Variants in PTH2R observed in about 807,000 individuals in gnomAD.
PTH2R encodes the protein parathyroid hormone 2 receptor.
A neutral mutation model predicts 60.3 loss-of-function variants in PTH2R; 59 were observed. That is an observed-to-expected ratio of 0.98 (90% CI 0.79 to 1.22). The LOEUF (loss-of-function observed/expected upper bound fraction) is 1.22, where lower values mean the gene tolerates loss of function less well. Ranked by LOEUF, PTH2R falls within the 50% of genes most tolerant of loss-of-function variation. The probability of loss-of-function intolerance (pLI) is 0.00; values close to 1 mark genes in which losing one functional copy is unlikely to be tolerated. For missense variants in PTH2R, 749 were observed against 682.6 expected (o/e 1.10, Z -1.08); for synonymous variants, 256 against 243.8 (o/e 1.05, Z -0.47).
Position 208,424,251 on chromosome 2 carries a change from C to CTTTAGTT in PTH2R, c.76-3946_76-3945insGTTTTTA, listed in dbSNP as rs769836929. ...GCCAGTGAGAGGGAATGTTTTAGTT[C>CTTTAGTT]TTTACTTTGCTCTTAAACCATTCTG... On this transcript the variant is annotated intron_variant, in intron 1 of 12. Coordinates refer to ENST00000272847, the MANE Select transcript of PTH2R (RefSeq NM_005048.4). Among the ~76,000 whole-genome samples the CTTTAGTT allele has an allele frequency of 3.0e-3, 463 of 152,288 alleles. 1 individual carries two copies. The highest frequency in any genetic ancestry group is 5.7e-3 in the Non-Finnish European group (387 of 68,022).
At chr2:208,413,220 T>C (rs555712799) in intron 1 of PTH2R, among the ~76,000 whole-genome samples, 9 of 152,218 alleles carry the variant, frequency 5.9e-5, no homozygotes, top group African/African-American at 2.2e-4. Context: ...CTCATTAAAT[T>C]ATATTACAAA....
At chr2:208,389,391 A>T (rs905710409) in intron 1 of PTH2R, among the ~76,000 whole-genome samples, 1 of 152,302 alleles carries the variant, frequency 6.6e-6, no homozygotes, top group Non-Finnish European at 1.5e-5. Flanking sequence ...GTTATGCTTA[A>T]TTAACTCGAT....
At chr2:208,400,900 A>C (rs1701296259) in intron 1 of PTH2R, among the ~76,000 whole-genome samples, 1 of 152,202 alleles carries the variant, frequency 6.6e-6, no homozygotes, top group African/African-American at 2.4e-5. Flanking sequence ...ACAAACATAA[A>C]AGCTCTGTTT....
At chr2:208,395,053 T>A (rs1701180838) in intron 1 of PTH2R, among the ~76,000 whole-genome samples, 1 of 151,710 alleles carries the variant, frequency 6.6e-6, no homozygotes, top group Non-Finnish European at 1.5e-5. Context: ...TTTTCTTTTT[T>A]ATTTTTTTTT....
intron 10 of PTH2R, among the ~76,000 whole-genome samples, chr2:208,484,866 C>T (rs1286642674): frequency 6.6e-6 from 1 of 152,134 alleles, no homozygotes; most frequent in Non-Finnish European, 1.5e-5. Context: ...ATAGCTCTCT[C>T]CCATGGTTGT....
chr2:208,397,764 G>A lies in PTH2R; in HGVS notation c.-258-30437G>A, dbSNP rs113138451. Among the ~76,000 whole-genome samples, 1,307 of 152,170 alleles carry A rather than the reference G, an allele frequency of 8.6e-3. 24 individuals carry two copies. The highest frequency in any genetic ancestry group is 0.03 in the African/African-American group (1,227 of 41,478). On this transcript the variant is annotated intron_variant, in intron 1 of 12. Transcript: ENST00000617735. Reference sequence around the variant, plus strand: ...TAGCCTTTTAATATGCAAATGAAGGGCACCATGATGTTCTACACATGTGGG... The same window carrying A: ...TAGCCTTTTAATATGCAAATGAAGGACACCATGATGTTCTACACATGTGGG...
At chr2:208,469,062 A>C (rs879363244) in intron 9 of PTH2R, among the ~76,000 whole-genome samples, 12 of 152,334 alleles carry the variant, frequency 7.9e-5, no homozygotes, top group Non-Finnish European at 1.3e-4. Flanking sequence ...CAGCTCACGC[A>C]GATATAGGTC....
intron 8 of PTH2R, among the ~76,000 whole-genome samples, chr2:208,452,715 A>G (rs941910131): frequency 1.1e-4 from 16 of 152,204 alleles, no homozygotes; most frequent in Non-Finnish European, 1.9e-4. Flanking sequence ...GGAAAGTAAT[A>G]ATGAAAACAT....
In PTH2R at chr2:208,442,375, T is replaced by C. The variant is rs761175954; in HGVS notation, c.423T>C (p.Phe141=). The change falls in exon 5 of 13, where the codon TTT becomes TTC. Residue 141 remains phenylalanine, a synonymous_variant. Coordinates refer to ENST00000272847, the MANE Select transcript of PTH2R (RefSeq NM_005048.4). ...CTCTTCCCTTGCAGCAAGAATTCTTTGAACGCCTCTATGTAATGTATACCG... is the reference window on the plus strand; with the variant it reads ...CTCTTCCCTTGCAGCAAGAATTCTTCGAACGCCTCTATGTAATGTATACCG... ...PDISIGKQEF[F]ERLYVMYTVG... is the part of the protein sequence containing the mutation. 1.3e-5 allele frequency: 21 copies of C among 1,611,234 alleles called. No individual in the cohort carries two copies. The highest frequency in any genetic ancestry group is 1.7e-5 in the Non-Finnish European group (20 of 1,177,442).
At position 208,360,735 on chromosome 2, in the gene PTH2R, G is replaced by C. The variant is rs1346100336; in HGVS notation, c.-259+498G>C. The C allele has an allele frequency of 2.6e-5, 4 of 153,446 alleles. No homozygotes were observed. In the East Asian group the frequency reaches 7.7e-4, roughly 30 times the overall value. The allele number at this position is 153,446 out of a possible 1,614,324, so 9.5% of individuals were successfully genotyped here. On this transcript the variant is annotated intron_variant, in intron 1 of 12. Coordinates refer to the PTH2R transcript ENST00000617735. ...CCCTCCTCTTGTTGGCATCAGCCAGGCACGCAGTGCTGTCGTGGCTGACCC... is the reference window on the plus strand; with the variant it reads ...CCCTCCTCTTGTTGGCATCAGCCAGCCACGCAGTGCTGTCGTGGCTGACCC...
intron 10 of PTH2R, among the ~76,000 whole-genome samples, chr2:208,485,149 T>C (rs992260019): frequency 6.6e-6 from 1 of 152,122 alleles, no homozygotes; most frequent in African/African-American, 2.4e-5. Flanking sequence ...TTAAGAGCAA[T>C]AGTAATTTTT....
At chr2:208,426,119 T>C (rs1701852906) in intron 1 of PTH2R, among the ~76,000 whole-genome samples, 1 of 152,228 alleles carries the variant, frequency 6.6e-6, no homozygotes, top group Non-Finnish European at 1.5e-5. Context: ...GGGTTAATTA[T>C]GAAGATTTTC....
rs547305111 is a variant in PTH2R at position 208,471,075 on chromosome 2, C to T, written c.982-9995C>T. ...TTTAGGTATCTGGCAGAAGAAATTTCTAAGCAGCAAAGCATTCAAGAGGTG... is the reference window on the plus strand; with the variant it reads ...TTTAGGTATCTGGCAGAAGAAATTTTTAAGCAGCAAAGCATTCAAGAGGTG... On this transcript the variant is annotated intron_variant, in intron 9 of 12. Transcript: ENST00000272847. 3.3e-5 allele frequency among the ~76,000 whole-genome samples: 5 copies of T among 152,256 alleles called. 1 individual carries two copies. Among genetic ancestry groups the T allele is most frequent in the African/African-American group, 1.2e-4 (5 of 41,546 alleles).
intron 4 of PTH2R, among the ~76,000 whole-genome samples, chr2:208,441,991 G>T (rs962581320): frequency 9.2e-5 from 14 of 152,128 alleles, no homozygotes; most frequent in African/African-American, 3.4e-4. Context: ...CGATATCGAT[G>T]AATATAAAAA....
chr2:208,470,284 T>A (rs576751409), intron 9 of PTH2R, among the ~76,000 whole-genome samples: 2 of 152,346 alleles, frequency 1.3e-5, no homozygotes, highest in South Asian at 4.1e-4. Context: ...ACTCTCCCCA[T>A]TCACCCATCC....
intron 1 of PTH2R, among the ~76,000 whole-genome samples, chr2:208,365,950 ATATATATATATTTTTTTTTTTTTTTTT>A (rs1700578198): frequency 6.0e-5 from 1 of 16,774 alleles, no homozygotes; most frequent in African/African-American, 2.1e-4. Context: ...ATATATATAT[ATATATATATATTTTTTTTTTTTTTTTT>A]TTTTTTTTTT....
At chr2:208,469,561 C>T (rs954080246) in intron 9 of PTH2R, among the ~76,000 whole-genome samples, 1 of 152,054 alleles carries the variant, frequency 6.6e-6, no homozygotes, top group Non-Finnish European at 1.5e-5. Flanking sequence ...CCATAGACTG[C>T]AGTATAAGTT....
chr2:208,410,975 A>G (rs1316987391), intron 1 of PTH2R, among the ~76,000 whole-genome samples: 2 of 152,320 alleles, frequency 1.3e-5, no homozygotes, highest in Non-Finnish European at 2.9e-5. Context: ...GCCGGGCACA[A>G]TGGCTCATGC....
intron 9 of PTH2R, among the ~76,000 whole-genome samples, chr2:208,463,179 C>A (rs939329244): frequency 6.6e-6 from 1 of 152,110 alleles, no homozygotes; most frequent in Non-Finnish European, 1.5e-5. Flanking sequence ...CTTCCTCCCC[C>A]ATCTCATGTC....
Sources: gnomAD v4.1 joint callset for allele counts (sites outside exome capture counted in the v4.1 genomes callset) on GRCh38, gnomAD v4.1.1 for gene constraint, MANE v1.5 for transcripts, NCBI Gene and HGNC (gene_info 2026-07-23, HGNC 2026-07-21) for gene names.